The following TSPAN1 variants were observed in gnomAD, a reference collection of about 807,000 sequenced individuals.
TSPAN1 encodes the protein tetraspanin-1.
A neutral mutation model predicts 26.9 loss-of-function variants in TSPAN1; 23 were observed. The observed-to-expected ratio is 0.85, with a 90% CI of 0.62 to 1.21. The LOEUF is 1.21. Among genes scored for constraint, TSPAN1 ranks in the 50% most tolerant of loss-of-function variants. The pLI is 0.00. For missense variants in TSPAN1, 283 were observed against 298.4 expected (o/e 0.95, Z 0.38); for synonymous variants, 115 against 114.8 (o/e 1.00, Z -0.01).
At chr1:46,186,811 C>T (rs1469597705), downstream of TSPAN1, among the ~76,000 whole-genome samples, 2 of 151,552 alleles carry the variant, frequency 1.3e-5, no homozygotes, top group Admixed American at 6.6e-5. Context: ...TACAGGCGCC[C>T]GCCACCTCGC....
intron 1 of TSPAN1, among the ~76,000 whole-genome samples, chr1:46,180,099 C>T (rs902856572): frequency 1.3e-5 from 2 of 152,116 alleles, no homozygotes; most frequent in African/African-American, 4.8e-5. Context: ...TGCGTGTGTG[C>T]GCACGGACGC....
At chr1:46,192,470 C>G in the TSPAN1 span, 2 of 1,614,160 alleles carry the variant, frequency 1.2e-6, no homozygotes, top group Admixed American at 3.3e-5. Context: ...GAGGTATTAG[C>G]TGAGGCCTCA....
downstream of TSPAN1, chr1:46,190,021 A>G: frequency 6.2e-7 from 1 of 1,612,260 alleles, no homozygotes; most frequent in African/African-American, 1.3e-5. Flanking sequence ...TATAGCCAAG[A>G]CAGGGCCCAC....
chr1:46,195,856 G>A, the TSPAN1 span: 2 of 1,612,252 alleles, frequency 1.2e-6, no homozygotes, highest in Non-Finnish European at 1.7e-6. Flanking sequence ...CCATGTTGAG[G>A]AATAGCACCA....
At chr1:46,180,062 G>A (rs1657280089) in intron 1 of TSPAN1, among the ~76,000 whole-genome samples, 1 of 152,142 alleles carries the variant, frequency 6.6e-6, no homozygotes, top group Admixed American at 6.5e-5. Flanking sequence ...GTTAGTTGCT[G>A]GGAGTCAGTC....
intron 2 of TSPAN1, 41 bp downstream of exon 2, chr1:46,180,699 C>T (rs931296019): frequency 1.0e-4 from 20 of 198,154 alleles, no homozygotes; most frequent in East Asian, 2.8e-4. Context: ...GAAGTGATAT[C>T]GATCTGGAAA....
intron 1 of TSPAN1, among the ~76,000 whole-genome samples, chr1:46,179,964 A>AGTGTGTGTGTGTGTGTGTGTGTGTGT (rs141816531): frequency 7.4e-4 from 109 of 146,852 alleles, no homozygotes; most frequent in African/African-American, 2.6e-3. Context: ...AGAAAGAGGG[A>AGTGTGTGTGTGTGTGTGTGTGTGTGT]GTGTGTGTGT....
At chr1:46,182,318 G>C (rs375565001) in intron 3 of TSPAN1, among the ~76,000 whole-genome samples, 6 of 6,428 alleles carry the variant, frequency 9.3e-4, no homozygotes, top group South Asian at 0.013. Context: ...AAAAAAAAAA[G>C]CCACTGTGAA....
chr1:46,181,274 C>A, intron 3 of TSPAN1, 110 bp downstream of exon 3: 2 of 1,073,632 alleles, frequency 1.9e-6, no homozygotes, highest in Non-Finnish European at 2.7e-6. Flanking sequence ...CTTCGTCCTG[C>A]ATGTGTCCCC....
the TSPAN1 span, chr1:46,192,311 T>G: frequency 6.2e-7 from 1 of 1,614,152 alleles, no homozygotes; most frequent in Non-Finnish European, 8.5e-7. Flanking sequence ...CAGTTACCTT[T>G]TCCGGTGTAG....
downstream of TSPAN1, chr1:46,189,472 C>T (rs777614696): frequency 6.8e-6 from 11 of 1,613,406 alleles, no homozygotes; most frequent in East Asian, 4.5e-5. Context: ...AGGGGGAAGC[C>T]GGGACCCCCA....
downstream of TSPAN1, among the ~76,000 whole-genome samples, chr1:46,187,598 G>A (rs1168544651): frequency 6.6e-6 from 1 of 152,168 alleles, no homozygotes; most frequent in Admixed American, 6.5e-5. Context: ...GGGACAGGGG[G>A]AGGAGCTAGC....
At chr1:46,190,097 CTTT>C (rs946195454), downstream of TSPAN1, 8,089 of 790,860 alleles carry the variant, frequency 0.01, no homozygotes, top group East Asian at 0.014. Flanking sequence ...CCTTGAAGTT[CTTT>C]TTTTTTTTTT....
At chr1:46,190,219 T>A, downstream of TSPAN1, 1 of 652,216 alleles carries the variant, frequency 1.5e-6, no homozygotes, top group Non-Finnish European at 2.6e-6. Context: ...TAATTTTTTG[T>A]ATTTTTAGTA....
At chr1:46,196,176 T>C in the TSPAN1 span, 1 of 1,586,194 alleles carries the variant, frequency 6.3e-7, no homozygotes, top group South Asian at 1.1e-5. The surrounding 1 kb of genome is among the most constrained non-coding windows in gnomAD (Gnocchi z 4.4). Context: ...AAACATCACC[T>C]CCTGCCTATG....
At chr1:46,178,626 C>T (rs1657240870) in intron 1 of TSPAN1, among the ~76,000 whole-genome samples, 1 of 152,202 alleles carries the variant, frequency 6.6e-6, no homozygotes, top group African/African-American at 2.4e-5. Context: ...CCTGCCCCTG[C>T]TCCTCCTCTT....
chr1:46,179,147 A>T (rs2148137367), intron 1 of TSPAN1, among the ~76,000 whole-genome samples: 1 of 150,150 alleles, frequency 6.7e-6, no homozygotes. Flanking sequence ...GCATAGCAAG[A>T]CCTCATCTGT....
rs756433454 is a variant in TSPAN1 at position 46,184,216 on chromosome 1, T to C, written c.83T>C (p.Val28Ala). 20 of 1,614,190 alleles carry C rather than the reference T, an allele frequency of 1.2e-5. No homozygotes were observed. The Middle Eastern group carries it at 1.6e-3, about 133-fold the overall frequency. ...IFLCGAALLA[V>A]GIWVSIDGAS... The stretch of plus-strand genomic sequence containing the variant: ...CTGTGTGGTGCAGCCCTGTTGGCAG[T>C]GGGCATCTGGGTGTCAATCGATGGG... The change falls in exon 4 of 9, where the codon GTG (valine) becomes GCG (alanine). Residue 28 changes from valine (V) to alanine (A), a missense_variant. Val to Ala is a moderately conservative substitution (Grantham distance 64). Coordinates refer to ENST00000372003, the MANE Select transcript of TSPAN1 (RefSeq NM_005727.4).
At chr1:46,179,905 C>T (rs1345453896) in intron 1 of TSPAN1, among the ~76,000 whole-genome samples, 1 of 151,936 alleles carries the variant, frequency 6.6e-6, no homozygotes, top group Non-Finnish European at 1.5e-5. Flanking sequence ...AGAGCGGAAG[C>T]TGCCAAATCT....
Sources: gnomAD v4.1 joint callset for allele counts (sites outside exome capture counted in the v4.1 genomes callset) on GRCh38, gnomAD v4.1.1 for gene constraint, Gnocchi (gnomAD v3.1) non-coding constraint, MANE v1.5 for transcripts, NCBI Gene and HGNC (gene_info 2026-07-23, HGNC 2026-07-21) for gene names.